Variants in DNM2 observed in about 807,000 individuals in gnomAD.
DNM2 encodes the protein dynamin 2.
In DNM2, 15 loss-of-function variants were observed where a neutral mutation model predicts 99.0. That is an observed-to-expected ratio of 0.15 (90% CI 0.10 to 0.23). The LOEUF is 0.23. Ranked by LOEUF, DNM2 falls within the 10% of genes least tolerant of loss-of-function variation. The pLI, the probability that DNM2 is intolerant of heterozygous loss-of-function variation, is 1.00. For missense variants in DNM2, 742 were observed against 1,189.4 expected, an observed-to-expected ratio of 0.62 and a Z score of 5.53; for synonymous variants, 525 against 481.2, an observed-to-expected ratio of 1.09 and a Z score of -1.19.
At chr19:10,827,672 C>A (rs1339543476) in intron 18 of DNM2, among the ~76,000 whole-genome samples, 1 of 151,088 alleles carries the variant, frequency 6.6e-6, no homozygotes, top group Non-Finnish European at 1.5e-5. Context: ...GAGACTGAGA[C>A]CATCCTGGCC....
chr19:10,770,034 T>C (rs2070923653), intron 2 of DNM2, among the ~76,000 whole-genome samples: 1 of 152,208 alleles, frequency 6.6e-6, no homozygotes, highest in Admixed American at 6.5e-5. Flanking sequence ...CTCAGTTTTG[T>C]CATCTTTGAA....
chr19:10,768,792 G>A (rs533558240), intron 2 of DNM2: 12 of 152,420 alleles, frequency 7.9e-5, no homozygotes, highest in African/African-American at 2.9e-4. Flanking sequence ...ACATGCGTGA[G>A]TGTGCCCTTG....
Position 10,823,742 on chromosome 19 carries a change from C to T in DNM2, c.1782-46C>T, listed in dbSNP as rs368454682. On this transcript the variant is annotated intron_variant, in intron 16 of 20. Coordinates refer to ENST00000389253, the MANE Select transcript of DNM2 (RefSeq NM_001005361.3). ...ATTCCTCTCGGCAGTCTGCCAGACC[C>T]ATGGCAGGGTCAAGCTTGTGCCCCT... 27 of 1,581,814 alleles carry T rather than the reference C, an allele frequency of 1.7e-5. No homozygotes were observed. The African/African-American group carries it at 3.5e-4, about 20-fold the overall frequency.
At chr19:10,783,659 T>C (rs556006711) in intron 6 of DNM2, among the ~76,000 whole-genome samples, 1 of 150,948 alleles carries the variant, frequency 6.6e-6, no homozygotes, top group South Asian at 2.1e-4. Context: ...GACAGGGGGT[T>C]AATAACTCTT....
At chr19:10,737,117 C>T (rs1400456228) in intron 1 of DNM2, among the ~76,000 whole-genome samples, 1 of 152,106 alleles carries the variant, frequency 6.6e-6, no homozygotes, top group South Asian at 2.1e-4. Flanking sequence ...CAGTGCACTC[C>T]AGCCGGGGAG....
intron 14 of DNM2, chr19:10,810,641 G>C (rs1445524268): frequency 6.6e-6 from 1 of 152,378 alleles, no homozygotes; most frequent in East Asian, 1.9e-4. Flanking sequence ...GGCCACCGAG[G>C]GGTGTGCGGG....
Position 10,831,040 on chromosome 19 carries a change from T to C in DNM2, c.2606T>C (p.Leu869Pro), listed in dbSNP as rs1703984974. 1 of 1,607,498 alleles carries C rather than the reference T, an allele frequency of 6.2e-7. No individual in the cohort carries two copies. Among genetic ancestry groups the C allele is most frequent in the Non-Finnish European group, 8.5e-7 (1 of 1,177,090 alleles). ...ATCCGCCCAGCCGAGCCATCCCTGC[T>C]CGACTAGGCCTCGAGGGGGGCGTGC... is the stretch of plus-strand genomic sequence containing the variant. ...TIIRPAEPSL[L>P]D Residue 869 changes from leucine to proline, a missense_variant, in exon 21 of 21, where the codon CTC becomes CCC. Leu to Pro is a moderately conservative substitution (Grantham distance 98). This residue lies in a region of DNM2 where 187 missense variants were observed against 218.8 expected (regional missense o/e 0.85). Transcript: ENST00000389253. The surrounding 1 kb of genome is among the most constrained non-coding windows in gnomAD (Gnocchi z 4.3).
At chr19:10,723,862 C>A (rs961208016) in intron 1 of DNM2, among the ~76,000 whole-genome samples, 1 of 152,046 alleles carries the variant, frequency 6.6e-6, no homozygotes, top group Non-Finnish European at 1.5e-5. Flanking sequence ...GGGATCCAGG[C>A]GGGAGGATCA....
At chr19:10,798,431 T>A in intron 10 of DNM2, 55 bp from the exon 11 acceptor site, 3 of 1,551,490 alleles carry the variant, frequency 1.9e-6, no homozygotes, top group Non-Finnish European at 2.7e-6. Context: ...TGGTTCATGT[T>A]GCTTCCCGTG....
intron 11 of DNM2, among the ~76,000 whole-genome samples, chr19:10,800,806 G>A (rs1751536983): frequency 6.6e-6 from 1 of 152,258 alleles, no homozygotes; most frequent in Non-Finnish European, 1.5e-5. Flanking sequence ...CTGGGCAAAA[G>A]ACAAGAAGGA....
chr19:10,725,676 G>A (rs751912973), intron 1 of DNM2, among the ~76,000 whole-genome samples: 2 of 152,098 alleles, frequency 1.3e-5, no homozygotes, highest in Non-Finnish European at 2.9e-5. Flanking sequence ...TGAGAATCAC[G>A]TAGCAAATTG....
At chr19:10,777,526 C>A (rs1385733284) in intron 5 of DNM2, among the ~76,000 whole-genome samples, 1 of 152,110 alleles carries the variant, frequency 6.6e-6, no homozygotes, top group Non-Finnish European at 1.5e-5. Context: ...CTCCCAGCTC[C>A]CCAGGGTTTA....
intron 1 of DNM2, among the ~76,000 whole-genome samples, chr19:10,721,940 A>C (rs2068954251): frequency 6.6e-6 from 1 of 152,130 alleles, no homozygotes; most frequent in Non-Finnish European, 1.5e-5. Flanking sequence ...TGTCATGCAA[A>C]GGCTGTGGGC....
chr19:10,787,929 CA>C (rs879391415), intron 7 of DNM2, among the ~76,000 whole-genome samples: 18 of 141,860 alleles, frequency 1.3e-4, no homozygotes, highest in African/African-American at 3.1e-4. Flanking sequence ...ACTCCGTCTC[CA>C]AAAAAAAAAG....
intron 14 of DNM2, chr19:10,810,845 C>G (rs1421126594): frequency 6.5e-6 from 1 of 153,106 alleles, no homozygotes; most frequent in Non-Finnish European, 1.5e-5. Context: ...ACCCCGCTCC[C>G]CCCGGGTGAA....
intron 1 of DNM2, among the ~76,000 whole-genome samples, chr19:10,750,095 T>C (rs984483665): frequency 2.0e-5 from 3 of 152,152 alleles, no homozygotes; most frequent in East Asian, 1.9e-4. Context: ...ATCTTCATTT[T>C]AGAAAGGTCA....
chr19:10,727,961 G>A (rs912247194), intron 1 of DNM2, among the ~76,000 whole-genome samples: 3 of 152,122 alleles, frequency 2.0e-5, no homozygotes, highest in African/African-American at 7.2e-5. Flanking sequence ...ATATTTATAG[G>A]GCATTAGCTA....
Position 10,786,675 on chromosome 19 carries a change from G to A in DNM2, c.961G>A (p.Asp321Asn), listed in dbSNP as rs745794161. 6.2e-6 allele frequency: 10 copies of A among 1,614,014 alleles called. No individual in the cohort carries two copies. The highest frequency in any genetic ancestry group is 1.7e-5 in the Admixed American group (1 of 60,008). ...GGAGTACAAGAACTTTCGGCCCGAC[G>A]ACCCCACCCGCAAAACCAAAGCCCT... ...VEEYKNFRPD[D>N]PTRKTKALLQ... The change falls in exon 7 of 21, where the codon GAC becomes AAC. Residue 321 changes from aspartate (D) to asparagine (N), a missense_variant. Coordinates refer to ENST00000389253, the MANE Select transcript of DNM2 (RefSeq NM_001005361.3).
At chr19:10,828,450 G>A (rs1218059407) in intron 18 of DNM2, among the ~76,000 whole-genome samples, 1 of 150,170 alleles carries the variant, frequency 6.7e-6, no homozygotes, top group Non-Finnish European at 1.5e-5. Flanking sequence ...AGCTGGGCGT[G>A]GTGGCAGGCG....
Sources: gnomAD v4.1 joint callset for allele counts (sites outside exome capture counted in the v4.1 genomes callset) on GRCh38, gnomAD v4.1.1 for gene constraint, gnomAD v4.1.1 regional missense constraint, Gnocchi (gnomAD v3.1) non-coding constraint, MANE v1.5 for transcripts, NCBI Gene and HGNC (gene_info 2026-07-23, HGNC 2026-07-21) for gene names.